ERBB4: variants seen among roughly 807,000 people sequenced by gnomAD.
ERBB4 encodes the protein receptor tyrosine-protein kinase erbB-4.
Under a neutral mutation model 158.0 loss-of-function variants are expected in ERBB4, and 42 were observed. The observed-to-expected ratio is 0.27, with a 90% CI of 0.21 to 0.34. ERBB4 has a LOEUF of 0.34. ERBB4 is among the 10% of genes least tolerant of loss of function. The pLI is 1.00. For missense variants in ERBB4, 1,333 were observed against 1,624.1 expected (o/e 0.82, Z 3.08); for synonymous variants, 583 against 558.7 (o/e 1.04, Z -0.61).
intron 1 of ERBB4, among the ~76,000 whole-genome samples, chr2:212,254,278 C>T (rs1025393718): frequency 6.6e-6 from 1 of 152,106 alleles, no homozygotes; most frequent in Non-Finnish European, 1.5e-5. Flanking sequence ...AACCCAGTGC[C>T]TAATTTCATA....
intron 20 of ERBB4, among the ~76,000 whole-genome samples, chr2:211,466,081 G>A (rs1559196173): frequency 6.6e-6 from 1 of 152,122 alleles, no homozygotes; most frequent in Non-Finnish European, 1.5e-5. Flanking sequence ...AAGTCCTTGT[G>A]AATGTACAAG....
intron 1 of ERBB4, among the ~76,000 whole-genome samples, chr2:212,290,962 A>G (rs771984785): frequency 1.3e-5 from 2 of 152,118 alleles, no homozygotes; most frequent in Non-Finnish European, 2.9e-5. Flanking sequence ...AAAAATATTA[A>G]TTTAGTTAAA....
At position 211,499,043 on chromosome 2, in the gene ERBB4, C is replaced by G. The variant is rs1333037562; in HGVS notation, c.2487+62860G>C. ...CTCCTGTGTAACTCCAGCGCTAGCA[C>G]AGAGCCTAGTGCTGAGTAAGCATGC... On this transcript the variant is annotated intron_variant, in intron 20 of 27. Transcript: ENST00000342788. 2.6e-5 allele frequency among the ~76,000 whole-genome samples: 4 copies of G among 152,138 alleles called. No homozygotes were observed. The East Asian group carries it at 7.7e-4, about 29-fold the overall frequency.
chr2:211,682,913 GT>G (rs995057290), intron 12 of ERBB4, among the ~76,000 whole-genome samples: 119 of 146,162 alleles, frequency 8.1e-4, no homozygotes, highest in African/African-American at 2.7e-3. Flanking sequence ...ATTTATCTTA[GT>G]TTTTTTTTTC....
chr2:212,446,138 C>T (rs562048797), intron 1 of ERBB4, among the ~76,000 whole-genome samples: 1 of 152,128 alleles, frequency 6.6e-6, no homozygotes, highest in East Asian at 1.9e-4. Context: ...ATTGTCTTTA[C>T]TTGGATATCA....
intron 20 of ERBB4, among the ~76,000 whole-genome samples, chr2:211,532,329 A>G (rs1320360947): frequency 6.6e-6 from 1 of 152,094 alleles, no homozygotes; most frequent in African/African-American, 2.4e-5. Context: ...GCTTGATGTG[A>G]TTGATACCCC....
At chr2:211,868,482 C>T (rs1575282212) in intron 3 of ERBB4, among the ~76,000 whole-genome samples, 1 of 152,020 alleles carries the variant, frequency 6.6e-6, no homozygotes, top group Admixed American at 6.6e-5. Context: ...CTCTTATAAA[C>T]CTTTTAAACT....
At chr2:212,211,383 A>C (rs1416506606) in intron 1 of ERBB4, among the ~76,000 whole-genome samples, 1 of 152,056 alleles carries the variant, frequency 6.6e-6, no homozygotes, top group Non-Finnish European at 1.5e-5. Context: ...TGTGCTGCAA[A>C]AGACTCAGCT....
intron 2 of ERBB4, among the ~76,000 whole-genome samples, chr2:212,010,406 C>T (rs1462852835): frequency 6.6e-6 from 1 of 151,878 alleles, no homozygotes; most frequent in Non-Finnish European, 1.5e-5. Context: ...TTTTGAGAAT[C>T]AAAACAGCAA....
At chr2:211,410,553 C>A (rs1437488400) in intron 25 of ERBB4, among the ~76,000 whole-genome samples, 7 of 152,104 alleles carry the variant, frequency 4.6e-5, no homozygotes, top group Non-Finnish European at 1.0e-4. Flanking sequence ...AAAGCAGATT[C>A]CCTGAAGAAT....
At chr2:212,442,788 G>A (rs1315753567) in intron 1 of ERBB4, among the ~76,000 whole-genome samples, 1 of 152,168 alleles carries the variant, frequency 6.6e-6, no homozygotes, top group Non-Finnish European at 1.5e-5. Flanking sequence ...CATTAGAGCT[G>A]CCTCTACCTA....
At chr2:211,761,190 C>CAAAA (rs58277006) in intron 4 of ERBB4, among the ~76,000 whole-genome samples, 8 of 89,916 alleles carry the variant, frequency 8.9e-5, no homozygotes, top group Non-Finnish European at 1.2e-4. Context: ...TGAGATTCCT[C>CAAAA]AAAAAAAAAA....
At chr2:211,521,750 A>T (rs549627639) in intron 20 of ERBB4, among the ~76,000 whole-genome samples, 8 of 152,154 alleles carry the variant, frequency 5.3e-5, no homozygotes, top group Non-Finnish European at 1.2e-4. Context: ...AATTGAAGCC[A>T]ATGCTCATTT....
At chr2:211,705,969 C>T (rs575626403) in intron 9 of ERBB4, among the ~76,000 whole-genome samples, 1 of 152,094 alleles carries the variant, frequency 6.6e-6, no homozygotes, top group Non-Finnish European at 1.5e-5. Context: ...CATCTTGTTC[C>T]TATCTAGCTT....
chr2:211,904,961 C>T (rs982886454), intron 3 of ERBB4, among the ~76,000 whole-genome samples: 1 of 152,120 alleles, frequency 6.6e-6, no homozygotes, highest in Non-Finnish European at 1.5e-5. Flanking sequence ...GCAAATGGCT[C>T]ACATAGCTGA....
At chr2:211,758,345 A>C (rs2075331736) in intron 4 of ERBB4, among the ~76,000 whole-genome samples, 1 of 152,226 alleles carries the variant, frequency 6.6e-6, no homozygotes, top group Non-Finnish European at 1.5e-5. Context: ...AAAGGTCTTA[A>C]TGCTTTTTGG....
At chr2:212,191,990 T>A (rs2082263653) in intron 1 of ERBB4, among the ~76,000 whole-genome samples, 3 of 110,988 alleles carry the variant, frequency 2.7e-5, no homozygotes, top group East Asian at 2.0e-4. Context: ...ATGTTATATG[T>A]TATATATGTT....
intron 4 of ERBB4, among the ~76,000 whole-genome samples, chr2:211,781,677 T>C (rs1226992274): frequency 6.6e-6 from 1 of 152,192 alleles, no homozygotes; most frequent in Non-Finnish European, 1.5e-5. Context: ...CATATAAAAA[T>C]TATAATTGCA....
chr2:212,358,373 A>T (rs944344874), intron 1 of ERBB4, among the ~76,000 whole-genome samples: 5 of 151,772 alleles, frequency 3.3e-5, no homozygotes, highest in African/African-American at 9.7e-5. Flanking sequence ...TTTTAAAAAA[A>T]AAACAGTATT....
Sources: gnomAD v4.1 joint callset for allele counts (sites outside exome capture counted in the v4.1 genomes callset) on GRCh38, gnomAD v4.1.1 for gene constraint, MANE v1.5 for transcripts, NCBI Gene and HGNC (gene_info 2026-07-23, HGNC 2026-07-21) for gene names.